Variants in TTC17 observed in about 807,000 individuals in gnomAD.
TTC17 encodes the protein tetratricopeptide repeat domain 17.
In TTC17, 58 loss-of-function variants were observed where a neutral mutation model predicts 143.8. The ratio of observed to expected loss-of-function variants is 0.40; its 90% confidence interval spans 0.33 to 0.50. The LOEUF (loss-of-function observed/expected upper bound fraction) is 0.50. Among genes scored for constraint, TTC17 ranks in the 20% least tolerant of loss-of-function variants. The pLI is 0.49. For synonymous variants in TTC17, 501 were observed against 497.8 expected (o/e 1.01, Z -0.09); for missense variants, 1,273 against 1,392.5 (o/e 0.91, Z 1.37).
At chr11:43,371,025 G>C (rs115305760) in intron 1 of TTC17, among the ~76,000 whole-genome samples, 4 of 40,734 alleles carry the variant, frequency 9.8e-5, no homozygotes, top group Admixed American at 6.0e-4. Context: ...AGGGGAGGTG[G>C]GGGGGGGGGT....
chr11:43,447,448 G>A (rs1470825288), intron 18 of TTC17: 2 of 152,476 alleles, frequency 1.3e-5, no homozygotes, highest in Non-Finnish European at 2.9e-5. Context: ...TCTCTACTGG[G>A]TGTGGACATT....
chr11:43,490,410 C>A, intron 22 of TTC17, 52 bp downstream of exon 22: 1 of 1,544,434 alleles, frequency 6.5e-7, no homozygotes, highest in Non-Finnish European at 8.8e-7. Context: ...CTTTCCATTC[C>A]CCATGGTTTA....
intron 16 of TTC17, among the ~76,000 whole-genome samples, chr11:43,427,864 A>G (rs1350053716): frequency 6.6e-6 from 1 of 152,156 alleles, no homozygotes; most frequent in East Asian, 1.9e-4. Context: ...AGCACATAGA[A>G]TATTCTTTAA....
At chr11:43,452,550 A>G (rs1483795589) in intron 21 of TTC17, among the ~76,000 whole-genome samples, 2 of 152,042 alleles carry the variant, frequency 1.3e-5, no homozygotes, top group Non-Finnish European at 2.9e-5. Flanking sequence ...AATGAAAACC[A>G]TAGGAAAAAG....
rs116166076 is a variant in TTC17 at position 43,403,632 on chromosome 11, A to G, written c.1333-366A>G. Among the ~76,000 whole-genome samples, 326 of 150,168 alleles carry G rather than the reference A, an allele frequency of 2.2e-3. 1 individual carries two copies. The highest frequency in any genetic ancestry group is 7.6e-3 in the African/African-American group (312 of 41,296). ...GCCTCTACCCACACACGGCACACCA[A>G]TTTTAGAGTGGTGAGCATTTTAGTG... On this transcript the variant is annotated intron_variant, in intron 10 of 23. Transcript: ENST00000039989.
In TTC17 at chr11:43,445,817, G is replaced by A. The variant is rs548673194; in HGVS notation, c.2665+1608G>A. On this transcript the variant is annotated intron_variant, in intron 18 of 23. Transcript: ENST00000039989. ...AATCCTAACCAAGTTATAAAGCAAA[G>A]TATTAAATAGTTTGTGAGCCCATGG... The A allele has an allele frequency of 7.6e-4, 507 of 663,674 alleles. 5 individuals carry two copies. The highest frequency in any genetic ancestry group is 5.9e-3 in the South Asian group (356 of 60,204). 41.1% of individuals were successfully genotyped at this position (663,674 alleles called of 1,614,324 possible). A position where few individuals can be genotyped will look rare whatever the true frequency, so the allele number is the denominator to read the frequency against.
intron 21 of TTC17, among the ~76,000 whole-genome samples, chr11:43,481,610 G>T (rs1295088539): frequency 2.6e-5 from 4 of 152,000 alleles, no homozygotes; most frequent in Non-Finnish European, 4.4e-5. Context: ...TTTGGTAATT[G>T]TGTCTTTCAA....
At chr11:43,375,489 A>C (rs1238674508) in intron 1 of TTC17, among the ~76,000 whole-genome samples, 1 of 152,212 alleles carries the variant, frequency 6.6e-6, no homozygotes, top group African/African-American at 2.4e-5. Context: ...TTCTGAATTA[A>C]AATATTAAAA....
At chr11:43,459,918 C>T (rs956006067) in intron 21 of TTC17, among the ~76,000 whole-genome samples, 2 of 152,196 alleles carry the variant, frequency 1.3e-5, no homozygotes, top group Non-Finnish European at 2.9e-5. Context: ...TAAGCAATGA[C>T]AGGTTAAGCT....
intron 3 of TTC17, 87 bp from the exon 4 acceptor site, chr11:43,391,378 A>G: frequency 2.2e-6 from 2 of 900,056 alleles, no homozygotes; most frequent in South Asian, 1.5e-5. Context: ...CAGCCTGGGC[A>G]ACAGAATGAG....
intron 16 of TTC17, among the ~76,000 whole-genome samples, chr11:43,421,609 A>G (rs556386080): frequency 2.0e-5 from 3 of 152,166 alleles, no homozygotes; most frequent in African/African-American, 4.8e-5. Flanking sequence ...ATTGTAAACT[A>G]TGCATGCACG....
rs1013995594 is a variant in TTC17 at position 43,494,757 on chromosome 11, C to G, written c.*853C>G. The stretch of plus-strand genomic sequence containing the variant: ...CCATCTTGGAATAAGTTGTGAATGT[C>G]AGCTCCCTCTCTCTGAGGCCTCCAG... On this transcript the variant is annotated 3_prime_UTR_variant, in exon 24 of 24. Transcript: ENST00000039989. 1.3e-5 allele frequency: 2 copies of G among 152,158 alleles called. No homozygotes were observed. The highest frequency in any genetic ancestry group is 2.9e-5 in the Non-Finnish European group (2 of 68,032). 9.4% of individuals were successfully genotyped at this position (152,158 alleles called of 1,614,324 possible). A position where few individuals can be genotyped will look rare whatever the true frequency, so the allele number is the denominator to read the frequency against.
At chr11:43,386,180 A>G (rs1274182232) in intron 2 of TTC17, among the ~76,000 whole-genome samples, 7 of 152,144 alleles carry the variant, frequency 4.6e-5, no homozygotes, top group Non-Finnish European at 8.8e-5. Context: ...AAAAAAAAAA[A>G]AATTTCCTAT....
chr11:43,493,739 C>T (rs760260168), intron 23 of TTC17, 34 bp from the exon 24 acceptor site: 21 of 1,613,738 alleles, frequency 1.3e-5, no homozygotes, highest in South Asian at 4.4e-5. Flanking sequence ...CTGCTGGTGC[C>T]ATCCCCTCAC....
intron 21 of TTC17, among the ~76,000 whole-genome samples, chr11:43,478,011 A>G (rs928906576): frequency 9.2e-5 from 14 of 152,142 alleles, no homozygotes; most frequent in African/African-American, 3.4e-4. Context: ...ACACACCTAT[A>G]AAGTAGTTTT....
chr11:43,383,508 A>G (rs988112219), intron 2 of TTC17, among the ~76,000 whole-genome samples: 9 of 149,118 alleles, frequency 6.0e-5, no homozygotes, highest in Non-Finnish European at 3.0e-5. Context: ...ATGTGCCACC[A>G]CGCCTGGCTA....
chr11:43,426,510 G>T (rs17594009), intron 16 of TTC17, among the ~76,000 whole-genome samples: 4 of 152,058 alleles, frequency 2.6e-5, no homozygotes, highest in African/African-American at 9.7e-5. Context: ...CTGCAATCAG[G>T]GTATTAGGAA....
chr11:43,408,305 T>C (rs894186177), intron 15 of TTC17, among the ~76,000 whole-genome samples: 70 of 152,360 alleles, frequency 4.6e-4, no homozygotes, highest in African/African-American at 1.6e-3. Flanking sequence ...TTATGGTGTC[T>C]GAAAACTGAT....
rs745694164 is a variant in TTC17, at chr11:43,477,618, G to A, written c.3031-12621G>A. On this transcript the variant is annotated intron_variant, in intron 21 of 23. Coordinates refer to ENST00000039989, the MANE Select transcript of TTC17 (RefSeq NM_018259.6). ...TCTCATGAGACTTATTCACTATCAC[G>A]AGAATAGCATGGGAAAGACCGGCCC... Among the ~76,000 whole-genome samples, 11 of 152,104 alleles carry A rather than the reference G, an allele frequency of 7.2e-5. No individual in the cohort carries two copies. The South Asian group carries it at 8.3e-4, about 11-fold the overall frequency.
Sources: allele counts gnomAD v4.1 joint callset (sites outside exome capture counted in the v4.1 genomes callset), GRCh38; gene constraint gnomAD v4.1.1; transcripts MANE v1.5; gene names NCBI Gene and HGNC (gene_info 2026-07-23, HGNC 2026-07-21).